RTN1: variants seen among roughly 807,000 people sequenced by gnomAD.
RTN1 encodes the protein reticulon 1.
Under a neutral mutation model 65.5 loss-of-function variants are expected in RTN1, and 25 were observed. The observed-to-expected ratio is 0.38, with a 90% confidence interval of 0.28 to 0.53. RTN1 has a LOEUF of 0.53. Among genes scored for constraint, RTN1 ranks in the 20% least tolerant of loss-of-function variants. RTN1 has a pLI of 0.79. For synonymous variants in RTN1, 471 were observed against 447.6 expected, an observed-to-expected ratio of 1.05 and a Z score of -0.66; for missense variants, 983 against 1,025.4, an observed-to-expected ratio of 0.96 and a Z score of 0.57.
At chr14:59,765,654 T>C (rs1885835372) in intron 1 of RTN1, among the ~76,000 whole-genome samples, 2 of 152,236 alleles carry the variant, frequency 1.3e-5, no homozygotes, top group African/African-American at 4.8e-5. Flanking sequence ...TGCATTTCTT[T>C]GTTCTGTAAG....
chr14:59,808,057 T>A (rs1288935332), intron 1 of RTN1, among the ~76,000 whole-genome samples: 1 of 152,248 alleles, frequency 6.6e-6, no homozygotes, highest in East Asian at 1.9e-4. Context: ...TTGTTCTTAT[T>A]CTGTAAATGA....
At chr14:59,739,657 G>A (rs879879080) in intron 2 of RTN1, among the ~76,000 whole-genome samples, 8 of 152,114 alleles carry the variant, frequency 5.3e-5, no homozygotes, top group Non-Finnish European at 1.0e-4. Flanking sequence ...GTGGCCATAG[G>A]ATAGAAAGAG....
At chr14:59,749,176 C>CTATATA (rs1320415412) in intron 1 of RTN1, among the ~76,000 whole-genome samples, 2 of 103,438 alleles carry the variant, frequency 1.9e-5, no homozygotes, top group African/African-American at 1.1e-4. Context: ...ATATATCTAT[C>CTATATA]TATATATCTA....
intron 3 of RTN1, among the ~76,000 whole-genome samples, chr14:59,633,821 C>T (rs937397590): frequency 6.6e-6 from 1 of 152,216 alleles, no homozygotes. Flanking sequence ...TTTGTAATCT[C>T]ATCCCAGGTC....
intron 3 of RTN1, among the ~76,000 whole-genome samples, chr14:59,688,076 GC>G (rs1883885592): frequency 6.6e-6 from 1 of 151,702 alleles, no homozygotes; most frequent in Admixed American, 6.6e-5. Context: ...AGCCTGAGCT[GC>G]CCCACTATTC....
chr14:59,634,156 G>A (rs898569442), intron 3 of RTN1, among the ~76,000 whole-genome samples: 1 of 152,172 alleles, frequency 6.6e-6, no homozygotes, highest in African/African-American at 2.4e-5. Context: ...TTTATAAGGA[G>A]GGTCAGCAAA....
At chr14:59,865,452 T>C (rs1450705633) in intron 1 of RTN1, among the ~76,000 whole-genome samples, 1 of 152,180 alleles carries the variant, frequency 6.6e-6, no homozygotes, top group African/African-American at 2.4e-5. Flanking sequence ...GGGATCCCAG[T>C]ATCTCTTTCT....
At chr14:59,761,271 A>G (rs745421166) in intron 1 of RTN1, among the ~76,000 whole-genome samples, 2 of 152,226 alleles carry the variant, frequency 1.3e-5, no homozygotes, top group South Asian at 4.1e-4. Context: ...AATTGTAACA[A>G]TCCCCACGTG....
At chr14:59,627,245 T>G (rs1882423378) in intron 3 of RTN1, among the ~76,000 whole-genome samples, 1 of 152,146 alleles carries the variant, frequency 6.6e-6, no homozygotes, top group African/African-American at 2.4e-5. Context: ...ATTTAAACCT[T>G]TAGAAAAATC....
chr14:59,780,003 A>C (rs1487108090), intron 1 of RTN1, among the ~76,000 whole-genome samples: 1 of 152,214 alleles, frequency 6.6e-6, no homozygotes, highest in Non-Finnish European at 1.5e-5. Flanking sequence ...CAGGACTTGA[A>C]AGAAAAATCA....
chr14:59,749,745 C>A (rs1268396426), intron 1 of RTN1, among the ~76,000 whole-genome samples: 5 of 51,726 alleles, frequency 9.7e-5, no homozygotes, highest in African/African-American at 3.0e-4. Context: ...ATATATATAT[C>A]TATATGTATA....
At chr14:59,733,468 C>T (rs1884943659) in intron 2 of RTN1, among the ~76,000 whole-genome samples, 1 of 152,196 alleles carries the variant, frequency 6.6e-6, no homozygotes, top group Non-Finnish European at 1.5e-5. Flanking sequence ...CCTCCAGCCA[C>T]ATCTGCTGGC....
At chr14:59,616,573 C>G (rs1027586898) in intron 3 of RTN1, among the ~76,000 whole-genome samples, 2 of 152,038 alleles carry the variant, frequency 1.3e-5, no homozygotes, top group African/African-American at 4.8e-5. Context: ...TGGGAAACTT[C>G]TATAATGTTG....
chr14:59,717,265 C>T (rs1438411281), intron 3 of RTN1, among the ~76,000 whole-genome samples: 2 of 152,164 alleles, frequency 1.3e-5, no homozygotes, highest in Non-Finnish European at 2.9e-5. Context: ...GATTTCAGTG[C>T]TCAGCCAAGA....
At chr14:59,639,695 TAA>T (rs1882736568) in intron 3 of RTN1, among the ~76,000 whole-genome samples, 1 of 152,236 alleles carries the variant, frequency 6.6e-6, no homozygotes, top group African/African-American at 2.4e-5. Context: ...ATCAGATTAA[TAA>T]AGTGTCCTTT....
chr14:59,700,188 C>G (rs1305036087), intron 3 of RTN1, among the ~76,000 whole-genome samples: 2 of 152,034 alleles, frequency 1.3e-5, no homozygotes, highest in Non-Finnish European at 2.9e-5. Context: ...AAGTGCAAGA[C>G]TTGTACAATG....
At chr14:59,820,289 T>C (rs1459745476) in intron 1 of RTN1, among the ~76,000 whole-genome samples, 1 of 151,720 alleles carries the variant, frequency 6.6e-6, no homozygotes, top group Non-Finnish European at 1.5e-5. Context: ...TTCTGGATAT[T>C]AGACCTTGTT....
At chr14:59,621,230 C>G (rs547116970) in intron 3 of RTN1, among the ~76,000 whole-genome samples, 1 of 152,300 alleles carries the variant, frequency 6.6e-6, no homozygotes, top group African/African-American at 2.4e-5. Context: ...TAATTACCCC[C>G]AGTGGTCTTC....
intron 1 of RTN1, among the ~76,000 whole-genome samples, chr14:59,859,422 A>G (rs1887666575): frequency 1.3e-5 from 2 of 152,378 alleles, no homozygotes; most frequent in East Asian, 3.9e-4. Context: ...TTCTCCAGCC[A>G]TATGGAACTG....
Sources: allele counts gnomAD v4.1 joint callset (sites outside exome capture counted in the v4.1 genomes callset), GRCh38; gene constraint gnomAD v4.1.1; transcripts MANE v1.5; gene names NCBI Gene and HGNC (gene_info 2026-07-23, HGNC 2026-07-21).